The following MDGA2 variants were observed in gnomAD, a reference collection of about 807,000 sequenced individuals.
The protein encoded by MDGA2 is MAM domain-containing glycosylphosphatidylinositol anchor protein 2.
In MDGA2, 40 loss-of-function variants were observed where a neutral mutation model predicts 117.8. The ratio of observed to expected loss-of-function variants is 0.34; its 90% CI spans 0.26 to 0.44. The LOEUF (loss-of-function observed/expected upper bound fraction) is 0.44, where lower values mean the gene tolerates loss of function less well. Among genes scored for constraint, MDGA2 ranks in the 20% least tolerant of loss-of-function variants. The probability of loss-of-function intolerance (pLI) is 1.00; values close to 1 mark genes in which losing one functional copy is unlikely to be tolerated. For missense variants in MDGA2, 1,123 were observed against 1,250.6 expected, an observed-to-expected ratio of 0.90 and a Z score of 1.54; for synonymous variants, 452 against 439.0, an observed-to-expected ratio of 1.03 and a Z score of -0.37.
chr14:47,628,718 A>G (rs1897197594), intron 1 of MDGA2, among the ~76,000 whole-genome samples: 1 of 152,246 alleles, frequency 6.6e-6, no homozygotes, highest in South Asian at 2.1e-4. Flanking sequence ...TATGACGGAT[A>G]CTATGATGCA....
intron 1 of MDGA2, among the ~76,000 whole-genome samples, chr14:47,454,351 T>C (rs1893303425): frequency 6.6e-6 from 1 of 152,224 alleles, no homozygotes; most frequent in Admixed American, 6.5e-5. Flanking sequence ...AAAGCAGTAT[T>C]GTTTATCATA....
At chr14:47,628,832 G>C (rs144215711) in intron 1 of MDGA2, among the ~76,000 whole-genome samples, 1 of 152,204 alleles carries the variant, frequency 6.6e-6, no homozygotes, top group African/African-American at 2.4e-5. Context: ...AGAAAGTCTC[G>C]AAGGAAACTG....
intron 1 of MDGA2, among the ~76,000 whole-genome samples, chr14:47,537,299 C>T (rs2138745645): frequency 9.0e-6 from 1 of 111,090 alleles, no homozygotes; most frequent in East Asian, 2.7e-4. Flanking sequence ...CACACCAGGG[C>T]CTGTTGTCGG....
chr14:47,650,416 A>T (rs889789314), intron 1 of MDGA2, among the ~76,000 whole-genome samples: 6 of 152,210 alleles, frequency 3.9e-5, no homozygotes, highest in Admixed American at 3.9e-4. Context: ...AAAGAAATCA[A>T]TTCCCAGCAG....
intron 3 of MDGA2, among the ~76,000 whole-genome samples, chr14:47,192,643 T>C (rs1416940070): frequency 1.3e-5 from 2 of 151,638 alleles, no homozygotes; most frequent in Non-Finnish European, 2.9e-5. Context: ...TAAATAAAAA[T>C]AAATAAATAA....
chr14:47,337,964 C>G (rs1191331212), intron 1 of MDGA2, among the ~76,000 whole-genome samples: 1 of 151,984 alleles, frequency 6.6e-6, no homozygotes, highest in Non-Finnish European at 1.5e-5. Context: ...GAATTACACA[C>G]ACACCAGAAC....
At chr14:47,531,231 C>T (rs148497095) in intron 1 of MDGA2, among the ~76,000 whole-genome samples, 7 of 151,998 alleles carry the variant, frequency 4.6e-5, no homozygotes, top group Non-Finnish European at 8.8e-5. Flanking sequence ...GGCGACAGAG[C>T]GAGACTCCAC....
chr14:47,511,989 G>T (rs959058642), intron 1 of MDGA2, among the ~76,000 whole-genome samples: 2 of 152,084 alleles, frequency 1.3e-5, no homozygotes, highest in Non-Finnish European at 2.9e-5. Context: ...AATTGCTCTA[G>T]CCATTTTGCA....
intron 1 of MDGA2, among the ~76,000 whole-genome samples, chr14:47,309,820 T>G (rs1367433229): frequency 6.6e-6 from 1 of 152,140 alleles, no homozygotes; most frequent in Non-Finnish European, 1.5e-5. Flanking sequence ...GATGAAAGTT[T>G]GTCATCAAAA....
chr14:47,639,637 CTTT>C (rs1206695525), intron 1 of MDGA2, among the ~76,000 whole-genome samples: 1 of 152,098 alleles, frequency 6.6e-6, no homozygotes, highest in Admixed American at 6.5e-5. Context: ...TTTTATTCTT[CTTT>C]TATTTAAGAC....
intron 1 of MDGA2, among the ~76,000 whole-genome samples, chr14:47,460,077 T>A (rs1447547594): frequency 1.3e-5 from 2 of 152,180 alleles, no homozygotes; most frequent in Non-Finnish European, 2.9e-5. Flanking sequence ...TTGATCTGAT[T>A]CTAATATTTA....
intron 1 of MDGA2, among the ~76,000 whole-genome samples, chr14:47,662,834 T>C (rs1292761874): frequency 6.6e-6 from 1 of 152,184 alleles, no homozygotes; most frequent in Non-Finnish European, 1.5e-5. Flanking sequence ...TATAATATTG[T>C]AGGGAATGGT....
At chr14:47,192,660 T>C (rs1038716272) in intron 3 of MDGA2, among the ~76,000 whole-genome samples, 2 of 151,936 alleles carry the variant, frequency 1.3e-5, no homozygotes, top group African/African-American at 4.8e-5. Context: ...ATAAACAAGA[T>C]ATGGAAAAAT....
chr14:47,384,398 A>G (rs1891711461), intron 1 of MDGA2, among the ~76,000 whole-genome samples: 1 of 151,684 alleles, frequency 6.6e-6, no homozygotes, highest in African/African-American at 2.4e-5. Context: ...AACAAAAGTG[A>G]ATGTGCAGAT....
At chr14:47,218,493 T>C (rs1246061597) in intron 2 of MDGA2, among the ~76,000 whole-genome samples, 3 of 152,194 alleles carry the variant, frequency 2.0e-5, no homozygotes, top group Non-Finnish European at 4.4e-5. Context: ...CAGTAGTACA[T>C]TGAAAATATA....
At chr14:47,005,909 T>A (rs547517122) in intron 8 of MDGA2, among the ~76,000 whole-genome samples, 8 of 151,710 alleles carry the variant, frequency 5.3e-5, no homozygotes, top group Admixed American at 1.3e-4. Context: ...AAAATTTTTT[T>A]AAAAATTAAC....
At chr14:47,534,107 A>G (rs1188235242) in intron 1 of MDGA2, among the ~76,000 whole-genome samples, 1 of 152,150 alleles carries the variant, frequency 6.6e-6, no homozygotes, top group Non-Finnish European at 1.5e-5. Context: ...CCAATGGGTG[A>G]GACATGGGGC....
rs369756578 is a variant in MDGA2, at chr14:47,055,115, TTCTG to T, written c.1525+6130_1525+6133del. 6.5e-3 allele frequency among the ~76,000 whole-genome samples: 984 copies of T among 151,798 alleles called. 8 individuals are homozygous for T. Among genetic ancestry groups the T allele is most frequent in the African/African-American group, 0.023 (944 of 41,442 alleles). Reference sequence around the variant, plus strand: ...TTATCTCCAAATGATTCACTGACTATTCTGTCACAATGCAAAGGTAGTCTCACTG... The same window carrying T: ...TTATCTCCAAATGATTCACTGACTATTCACAATGCAAAGGTAGTCTCACTG... On this transcript the variant is annotated intron_variant, in intron 7 of 16. Transcript: ENST00000399232.
At chr14:47,297,387 G>A (rs1889109089) in intron 2 of MDGA2, among the ~76,000 whole-genome samples, 1 of 148,180 alleles carries the variant, frequency 6.7e-6, no homozygotes, top group South Asian at 2.2e-4. Flanking sequence ...ACAATTTTGA[G>A]AGAGAAAGAA....
Sources: gnomAD v4.1 joint callset for allele counts (sites outside exome capture counted in the v4.1 genomes callset) on GRCh38, gnomAD v4.1.1 for gene constraint, MANE v1.5 for transcripts, NCBI Gene and HGNC (gene_info 2026-07-23, HGNC 2026-07-21) for gene names.